The following UNC13A variants were observed in gnomAD, a reference collection of about 807,000 sequenced individuals.
UNC13A encodes unc-13 homolog A.
In UNC13A, 61 loss-of-function variants were observed where a neutral mutation model predicts 219.7. The ratio of observed to expected loss-of-function variants is 0.28; its 90% confidence interval spans 0.23 to 0.34. The LOEUF is 0.34. Among genes scored for constraint, UNC13A ranks in the 10% least tolerant of loss-of-function variants. UNC13A has a pLI of 1.00. For missense variants in UNC13A, 1,476 were observed against 2,270.3 expected (o/e 0.65, Z 7.11); for synonymous variants, 920 against 884.6 (o/e 1.04, Z -0.71).
chr19:17,671,539 G>A (rs1372452330), intron 4 of UNC13A, among the ~76,000 whole-genome samples: 7 of 152,172 alleles, frequency 4.6e-5, no homozygotes, highest in East Asian at 1.9e-4. Flanking sequence ...GGGAGGCTGA[G>A]GTGGGTGGAT....
intron 1 of UNC13A, among the ~76,000 whole-genome samples, chr19:17,682,761 T>C (rs2080042141): frequency 6.6e-6 from 1 of 152,014 alleles, no homozygotes; most frequent in Admixed American, 6.6e-5. Context: ...ACTAGATGCA[T>C]GAGAGAAGAA....
intron 1 of UNC13A, among the ~76,000 whole-genome samples, chr19:17,684,926 G>A (rs1375572134): frequency 6.6e-6 from 1 of 152,234 alleles, no homozygotes; most frequent in Admixed American, 6.5e-5. Context: ...ATGTTTGCAT[G>A]TGTACATGGA....
intron 1 of UNC13A, among the ~76,000 whole-genome samples, chr19:17,677,980 G>A (rs7252308): frequency 0.064 from 9,685 of 152,212 alleles, 388 homozygotes; most frequent in African/African-American, 0.1. Context: ...GTCTTGAAGA[G>A]CGTGTACTAG....
intron 7 of UNC13A, among the ~76,000 whole-genome samples, chr19:17,666,344 C>G (rs1370020104): frequency 6.6e-6 from 1 of 151,854 alleles, no homozygotes; most frequent in Non-Finnish European, 1.5e-5. Flanking sequence ...TTCTGAGTAG[C>G]TGGGATTACA....
chr19:17,608,342 A>AATTTTATATATAATATAAATATAT, intron 43 of UNC13A, among the ~76,000 whole-genome samples: 1 of 132,886 alleles, frequency 7.5e-6, no homozygotes, highest in Non-Finnish European at 1.5e-5. Flanking sequence ...TACTATATAT[A>AATTTTATATATAATATAAATATAT]ATTTTATATA....
intron 38 of UNC13A, among the ~76,000 whole-genome samples, chr19:17,619,248 A>AAG (rs1406946063): frequency 0.078 from 11,758 of 151,512 alleles, 633 homozygotes; most frequent in Non-Finnish European, 0.12. Context: ...GGGTTGGGGG[A>AAG]GCCTCAGACG....
intron 34 of UNC13A, among the ~76,000 whole-genome samples, chr19:17,625,467 T>C (rs2076772589): frequency 6.6e-6 from 1 of 152,086 alleles, no homozygotes; most frequent in Admixed American, 6.6e-5. Flanking sequence ...CACCAACTGA[T>C]CCAGTCACCC....
At chr19:17,607,490 G>A (rs905231454) in intron 43 of UNC13A, among the ~76,000 whole-genome samples, 1 of 149,862 alleles carries the variant, frequency 6.7e-6, no homozygotes, top group Non-Finnish European at 1.5e-5. Context: ...TGTTGGCCAC[G>A]CTGGTCTCGA....
At chr19:17,652,775 C>T (rs2145857929) in intron 11 of UNC13A, 98 bp from the exon 12 acceptor site, 1 of 1,406,106 alleles carries the variant, frequency 7.1e-7, no homozygotes, top group Middle Eastern at 2.0e-4. Context: ...GGCTGGGAGT[C>T]AGATGGCCTG....
rs774655588 is a variant in UNC13A, at chr19:17,624,967, C to T, written c.4074-15G>A. The T allele has an allele frequency of 6.2e-7, 1 of 1,610,402 alleles. No individual in the cohort carries two copies. Among genetic ancestry groups the T allele is most frequent in the South Asian group, 1.1e-5 (1 of 90,654 alleles). ...AGAGGGTCAGGCTGGGGACGAGGGG[C>T]AGGTCTGAGAGAGGGCCCAGCTCGC... On this transcript the variant is annotated splice_polypyrimidine_tract_variant and intron_variant, in intron 34 of 43. Transcript: ENST00000519716.
chr19:17,641,541 C>T lies in UNC13A; in HGVS notation c.2488G>A (p.Val830Met), dbSNP rs760950869. 7 of 1,613,890 alleles carry T rather than the reference C, an allele frequency of 4.3e-6. No individual in the cohort carries two copies. The highest frequency in any genetic ancestry group is 1.6e-4 in the Middle Eastern group (1 of 6,062). Residue 830 changes from valine (V) to methionine (M), a missense_variant, in exon 21 of 44, where the codon GTG (valine) becomes ATG (methionine). Physicochemically the swap from Val to Met is conservative, Grantham distance 21 (BLOSUM62 1). Around this residue, in one of 14 missense-constraint regions of UNC13A, gnomAD observed 140 missense variants for 270.9 expected, o/e 0.52. Coordinates refer to ENST00000519716, the MANE Select transcript of UNC13A (RefSeq NM_001080421.3). ...ACCCCATTGTTCTGCACGTCGGTCA[C>T]GAAGTGGAACAGGTTCTGCCACCAT... ...TCLHENLFHFVTDVQNNGVVK... is the reference protein window; with the variant it reads ...TCLHENLFHFMTDVQNNGVVK...
intron 12 of UNC13A, among the ~76,000 whole-genome samples, chr19:17,651,131 G>A (rs767562540): frequency 2.7e-5 from 4 of 150,454 alleles, no homozygotes; most frequent in African/African-American, 4.9e-5. Flanking sequence ...TAGATATGGG[G>A]TTTCACCATG....
chr19:17,669,761 C>T, intron 4 of UNC13A, 85 bp from the exon 5 acceptor site: 2 of 1,466,132 alleles, frequency 1.4e-6, no homozygotes, highest in Non-Finnish European at 1.8e-6. Context: ...GAGACATCCC[C>T]CTCACCCCTA....
At chr19:17,684,459 T>C (rs2080073026) in intron 1 of UNC13A, among the ~76,000 whole-genome samples, 1 of 152,160 alleles carries the variant, frequency 6.6e-6, no homozygotes, top group African/African-American at 2.4e-5. Flanking sequence ...GGTGCTCAAT[T>C]AATGCTTGTT....
At position 17,674,909 on chromosome 19, in the gene UNC13A, C is replaced by T. The variant is rs2145914883; in HGVS notation, c.53-153G>A. Among the ~76,000 whole-genome samples the T allele has an allele frequency of 1.3e-5, 2 of 152,284 alleles. No homozygotes were observed. The highest frequency in any genetic ancestry group is 4.1e-4 in the South Asian group (2 of 4,826). ...CCACCCTCAGGGCACAAGGGAGGGG[C>T]CTCAGTGTGGGGAGACGTGGAATTT... On this transcript the variant is annotated intron_variant, in intron 2 of 43. Coordinates refer to ENST00000519716, the MANE Select transcript of UNC13A (RefSeq NM_001080421.3). This position sits in a 1 kb window ranked among gnomAD's most constrained non-coding sequence, Gnocchi z 5.0.
chr19:17,628,321 C>G, intron 31 of UNC13A: 2 of 184,300 alleles, frequency 1.1e-5, no homozygotes, highest in Non-Finnish European at 2.2e-5. Context: ...CGTGTGCCCT[C>G]ACCCCGAGAT....
rs1442733600 is a variant in UNC13A, at chr19:17,627,775, C to T, written c.3831+88G>A. The T allele has an allele frequency of 7.0e-7, 1 of 1,431,234 alleles. No homozygotes were observed. The highest frequency in any genetic ancestry group is 9.6e-7 in the Non-Finnish European group (1 of 1,041,540). The allele number at this position is 1,431,234 out of a possible 1,614,324, so 88.7% of individuals were successfully genotyped here. ...GTTGAGCTGGAATTCATCCCCAGGCCTGGTGGCATATGAGCTCAGGGGCCT... is the reference window on the plus strand; with the variant it reads ...GTTGAGCTGGAATTCATCCCCAGGCTTGGTGGCATATGAGCTCAGGGGCCT... On this transcript the variant is annotated intron_variant, in intron 32 of 43. Transcript: ENST00000519716. This position sits in a 1 kb window ranked among gnomAD's most constrained non-coding sequence, Gnocchi z 4.7.
In UNC13A at chr19:17,605,795, C is replaced by A. The variant is rs971857991; in HGVS notation, c.*259G>T. 20 of 430,040 alleles carry A rather than the reference C, an allele frequency of 4.7e-5. No individual in the cohort carries two copies. The highest frequency in any genetic ancestry group is 4.0e-4 in the African/African-American group (19 of 47,868). The allele number at this position is 430,040 out of a possible 1,614,324, so 26.6% of individuals were successfully genotyped here. A position where few individuals can be genotyped will look rare whatever the true frequency, so the allele number is the denominator to read the frequency against. The stretch of plus-strand genomic sequence containing the variant: ...CCCAGCTCAAAATGCCCCCTAGGTG[C>A]TGGGGGCGTGGCCTCAAGTTGGGGA... On this transcript the variant is annotated 3_prime_UTR_variant, in exon 44 of 44. Coordinates refer to ENST00000519716, the MANE Select transcript of UNC13A (RefSeq NM_001080421.3).
intron 5 of UNC13A, 86 bp downstream of exon 5, chr19:17,669,467 C>A (rs1222155084): frequency 6.5e-7 from 1 of 1,543,042 alleles, no homozygotes. Flanking sequence ...CTAGACCTAC[C>A]CAGGCCTGTT....
Sources: allele counts gnomAD v4.1 joint callset (sites outside exome capture counted in the v4.1 genomes callset), GRCh38; gene constraint gnomAD v4.1.1; regional missense constraint gnomAD v4.1.1; non-coding constraint Gnocchi (gnomAD v3.1); transcripts MANE v1.5; gene names NCBI Gene and HGNC (gene_info 2026-07-23, HGNC 2026-07-21).